The following INSL6 variants were observed in gnomAD, a reference collection of about 807,000 sequenced individuals.
The protein encoded by INSL6 is insulin like 6.
Under a neutral mutation model 9.4 loss-of-function variants are expected in INSL6, and 16 were observed. The ratio of observed to expected loss-of-function variants is 1.70; its 90% CI spans 1.15 to 2.59. The LOEUF (loss-of-function observed/expected upper bound fraction) is 2.59, where lower values mean the gene tolerates loss of function less well. Among genes scored for constraint, INSL6 ranks in the 30% most tolerant of loss-of-function variants. INSL6 has a pLI of 0.00. For missense variants in INSL6, 391 were observed against 257.3 expected (o/e 1.52, Z -3.56); for synonymous variants, 154 against 96.9 (o/e 1.59, Z -3.46).
the INSL6 span, among the ~76,000 whole-genome samples, chr9:4,993,844 C>T: frequency 1.3e-5 from 2 of 152,232 alleles, no homozygotes; most frequent in Non-Finnish European, 2.9e-5. Context: ...TTTGGACATT[C>T]TCCCCACGTC....
chr9:5,085,668 G>C, the INSL6 span: 1 of 728,484 alleles, frequency 1.4e-6, no homozygotes, highest in Non-Finnish European at 2.6e-6. Flanking sequence ...TCCTTTTCGA[G>C]AACGTGCATT....
At chr9:5,030,795 G>T in the INSL6 span, among the ~76,000 whole-genome samples, 1 of 152,068 alleles carries the variant, frequency 6.6e-6, no homozygotes, top group African/African-American at 2.4e-5. Context: ...AAAATATGCA[G>T]TTGGATGTGT....
the INSL6 span, among the ~76,000 whole-genome samples, chr9:5,046,881 T>C: frequency 0.64 from 97,243 of 151,998 alleles, 33,170 homozygotes; most frequent in African/African-American, 0.89. Flanking sequence ...ATTTTGGGGG[T>C]AGGCTAGTTA....
chr9:5,172,588 T>C (rs1445219299), intron 1 of INSL6, among the ~76,000 whole-genome samples: 2 of 152,176 alleles, frequency 1.3e-5, no homozygotes, highest in Admixed American at 1.3e-4. Context: ...ATCCAGAATC[T>C]ACAAGGAACT....
At chr9:5,141,140 T>C (rs1394065933) in intron 2 of INSL6, among the ~76,000 whole-genome samples, 1 of 152,196 alleles carries the variant, frequency 6.6e-6, no homozygotes, top group African/African-American at 2.4e-5. Context: ...TTCCATGACT[T>C]TGCTATTGTG....
chr9:5,126,412 GAAGATTACC>G, intron 3 of INSL6: 1 of 1,610,554 alleles, frequency 6.2e-7, no homozygotes, highest in South Asian at 1.1e-5. Context: ...AAGAATAATG[GAAGATTACC>G]AAGACCAGAT....
the INSL6 span, chr9:5,077,418 T>G: frequency 1.3e-6 from 1 of 762,034 alleles, no homozygotes; most frequent in Non-Finnish European, 1.9e-6. Context: ...TATTTATACT[T>G]AAGCCTTATT....
the INSL6 span, among the ~76,000 whole-genome samples, chr9:5,101,810 C>T: frequency 6.6e-6 from 1 of 152,160 alleles, no homozygotes; most frequent in Non-Finnish European, 1.5e-5. Context: ...GCTGAGGGAC[C>T]TGACTGTTAG....
intron 1 of INSL6, among the ~76,000 whole-genome samples, chr9:5,184,843 C>A (rs1825532788): frequency 6.6e-6 from 1 of 152,182 alleles, no homozygotes. Flanking sequence ...ATGGCCCTTT[C>A]CTGCTTTTTT....
downstream of INSL6, among the ~76,000 whole-genome samples, chr9:5,119,441 G>C (rs1043311299): frequency 1.3e-5 from 2 of 151,880 alleles, no homozygotes; most frequent in African/African-American, 4.8e-5. Context: ...AAAAAAAAAG[G>C]CTTCAAATTA....
the INSL6 span, among the ~76,000 whole-genome samples, chr9:5,092,629 G>A: frequency 6.6e-6 from 1 of 152,138 alleles, no homozygotes; most frequent in East Asian, 1.9e-4. Flanking sequence ...GCAAAGACAA[G>A]CCCTTATACC....
chr9:5,184,466 C>T (rs1825524925), intron 1 of INSL6, among the ~76,000 whole-genome samples: 1 of 152,182 alleles, frequency 6.6e-6, no homozygotes, highest in Admixed American at 6.5e-5. Flanking sequence ...AATATCCTTC[C>T]TGCAGACTGC....
chr9:5,077,592 A>C, the INSL6 span: 1 of 1,455,134 alleles, frequency 6.9e-7, no homozygotes, highest in Non-Finnish European at 9.1e-7. Flanking sequence ...TAAGTAGTAC[A>C]ACCTTTTTAT....
the INSL6 span, chr9:5,054,648 C>T: frequency 9.3e-6 from 15 of 1,613,214 alleles, no homozygotes; most frequent in Admixed American, 1.7e-5. The surrounding 1 kb of genome is among the most constrained non-coding windows in gnomAD (Gnocchi z 4.9). Context: ...GTACAGATTT[C>T]GCAGATTTAT....
At chr9:5,149,429 G>A (rs1824669267) in intron 2 of INSL6, among the ~76,000 whole-genome samples, 2 of 152,036 alleles carry the variant, frequency 1.3e-5, no homozygotes, top group African/African-American at 4.8e-5. Context: ...CATGATCTCA[G>A]CAGCATTTCT....
chr9:5,165,251 C>T (rs1272861614), intron 1 of INSL6, among the ~76,000 whole-genome samples: 1 of 152,178 alleles, frequency 6.6e-6, no homozygotes, highest in African/African-American at 2.4e-5. Flanking sequence ...TGAGCATTCA[C>T]ACACAAGTTT....
At chr9:5,081,653 T>C in the INSL6 span, 1 of 1,080,770 alleles carries the variant, frequency 9.3e-7, no homozygotes, top group Non-Finnish European at 1.4e-6. Context: ...TTGGTCAACT[T>C]GAATGTATAT....
At chr9:5,013,309 G>A in the INSL6 span, among the ~76,000 whole-genome samples, 51,503 of 151,914 alleles carry the variant, frequency 0.34, 9,435 homozygotes, top group African/African-American at 0.49. Context: ...AAGTAGTATA[G>A]GAATAATTGT....
chr9:5,072,424 G>A, the INSL6 span: 37 of 1,186,554 alleles, frequency 3.1e-5, no homozygotes, highest in African/African-American at 4.9e-4. Flanking sequence ...CTCATTGAAT[G>A]TATTTTCTTG....
Sources: gnomAD v4.1 joint callset for allele counts (sites outside exome capture counted in the v4.1 genomes callset) on GRCh38, gnomAD v4.1.1 for gene constraint, Gnocchi (gnomAD v3.1) non-coding constraint, MANE v1.5 for transcripts, NCBI Gene and HGNC (gene_info 2026-07-23, HGNC 2026-07-21) for gene names.